APOBEC3G: variants seen among roughly 807,000 people sequenced by gnomAD.
The protein encoded by APOBEC3G is DNA dC->dU-editing enzyme APOBEC-3G.
Under a neutral mutation model 50.0 loss-of-function variants are expected in APOBEC3G, and 44 were observed. The observed-to-expected ratio is 0.88, with a 90% CI of 0.69 to 1.13. The LOEUF (loss-of-function observed/expected upper bound fraction) is 1.13, where lower values mean the gene tolerates loss of function less well. Among genes scored for constraint, APOBEC3G ranks in the 50% most tolerant of loss-of-function variants. The probability of loss-of-function intolerance (pLI) is 0.00; values close to 1 mark genes in which losing one functional copy is unlikely to be tolerated. For synonymous variants in APOBEC3G, 156 were observed against 175.3 expected (o/e 0.89, Z 0.87); for missense variants, 469 against 492.0 (o/e 0.95, Z 0.44).
intron 7 of APOBEC3G, 75 bp from the exon 8 acceptor site, chr22:39,087,332 G>A: frequency 6.2e-7 from 1 of 1,608,320 alleles, no homozygotes; most frequent in Admixed American, 1.7e-5. Context: ...CATTGTCACT[G>A]TCCCCAGGCC....
rs571551528 is a variant in APOBEC3G, at chr22:39,087,327, T to C, written c.1141-80T>C. ...ATCCCTCCCTCCTCTCCGATCATTG[T>C]CACTGTCCCCAGGCCTCCACCATAT... On this transcript the variant is annotated intron_variant, in intron 7 of 7. Transcript: ENST00000407997. 58 of 1,607,480 alleles carry C rather than the reference T, an allele frequency of 3.6e-5. No individual in the cohort carries two copies. The Admixed American group carries it at 9.5e-4, about 26-fold the overall frequency.
intron 2 of APOBEC3G, chr22:39,079,481 C>G (rs1402466245): frequency 5.8e-6 from 1 of 172,496 alleles, no homozygotes; most frequent in Non-Finnish European, 1.2e-5. Context: ...CCACGCCCAG[C>G]TGATTTTTTT....
chr22:39,081,412 C>A, intron 3 of APOBEC3G, 59 bp from the exon 4 acceptor site: 2 of 1,570,154 alleles, frequency 1.3e-6, no homozygotes, highest in South Asian at 2.2e-5. Context: ...GGGGAGGGTC[C>A]CGAGGTCACA....
At chr22:39,079,427 G>C in intron 2 of APOBEC3G, 1 of 206,614 alleles carries the variant, frequency 4.8e-6, no homozygotes, top group Non-Finnish European at 9.7e-6. Context: ...AAGCGATGCT[G>C]TCGCCTCAGA....
At chr22:39,079,344 T>C (rs1928325787) in intron 2 of APOBEC3G, 5 of 439,460 alleles carry the variant, frequency 1.1e-5, no homozygotes, top group Non-Finnish European at 1.2e-5. Flanking sequence ...TGAGACAGAG[T>C]TTCACTCTTG....
chr22:39,081,313 C>T, intron 3 of APOBEC3G, 86 bp downstream of exon 3: 2 of 1,566,618 alleles, frequency 1.3e-6, no homozygotes, highest in Non-Finnish European at 1.7e-6. Flanking sequence ...TGGGTCTGCT[C>T]TGATGCCTGC....
At chr22:39,081,414 G>C in intron 3 of APOBEC3G, 57 bp from the exon 4 acceptor site, 5 of 1,572,350 alleles carry the variant, frequency 3.2e-6, no homozygotes, top group Non-Finnish European at 3.5e-6. Flanking sequence ...GGAGGGTCCC[G>C]AGGTCACAGA....
At chr22:39,077,529 GC>G in intron 1 of APOBEC3G, 151 bp downstream of exon 1, 1 of 1,410,286 alleles carries the variant, frequency 7.1e-7, no homozygotes, top group African/African-American at 1.4e-5. Context: ...TCCCAGCCAG[GC>G]TCCTTGCCCT....
rs774299543 is a variant in APOBEC3G at position 39,081,184 on chromosome 22, A to G, written c.423A>G (p.Lys141=). The G allele has an allele frequency of 5.6e-6, 9 of 1,614,224 alleles. No individual in the cohort carries two copies. The highest frequency in any genetic ancestry group is 3.3e-4 in the Middle Eastern group (2 of 6,062). The change falls in exon 3 of 8, where the codon AAA becomes AAG. Residue 141 remains lysine (K), a synonymous_variant. Transcript: ENST00000407997. The part of the protein sequence containing the change: ...YQEALRSLCQ[K]RDGPRATMKI... Reference sequence around the variant, plus strand: ...AGGCGCTTCGCAGCCTGTGTCAGAAAAGAGACGGTCCGCGTGCCACCATGA... The same window carrying G: ...AGGCGCTTCGCAGCCTGTGTCAGAAGAGAGACGGTCCGCGTGCCACCATGA...
chr22:39,078,000 C>G (rs548504381), intron 1 of APOBEC3G, among the ~76,000 whole-genome samples: 58 of 152,338 alleles, frequency 3.8e-4, no homozygotes, highest in African/African-American at 1.3e-3. Context: ...TGGCTCACAC[C>G]TGTCATCCCA....
Position 39,087,505 on chromosome 22 carries a change from G to A in APOBEC3G, c.*84G>A. On this transcript the variant is annotated 3_prime_UTR_variant, in exon 8 of 8. Transcript: ENST00000407997. ...ATCTTCTTCCAAGAAATGCAAACAG[G>A]CTGTTCACCACCATCTCCAGCTGAT... 8 of 1,611,446 alleles carry A rather than the reference G, an allele frequency of 5.0e-6. No individual in the cohort carries two copies. In the South Asian group the frequency reaches 8.8e-5, roughly 18 times the overall value.
Position 39,086,542 on chromosome 22 carries a change from CA to C in APOBEC3G, c.1003del (p.Ile335PhefsTer3). 1.2e-6 allele frequency: 2 copies of C among 1,608,410 alleles called. No homozygotes were observed. Among genetic ancestry groups the C allele is most frequent in the Non-Finnish European group, 1.7e-6 (2 of 1,176,418 alleles). Reference sequence around the variant, plus strand: ...TGCGCACCCTGGCCGAGGCTGGGGCCAAAATTTCAATAATGACATACAGTGG... The same window carrying C: ...TGCGCACCCTGGCCGAGGCTGGGGCCAAATTTCAATAATGACATACAGTGG... ...GLRTLAEAGA[K>X]ISIMTYSEFK... On this transcript the variant is annotated frameshift_variant, in exon 6 of 8. Coordinates refer to ENST00000407997, the MANE Select transcript of APOBEC3G (RefSeq NM_021822.4). LOFTEE classifies it high-confidence loss of function.
chr22:39,084,303 C>T (rs113855438), intron 5 of APOBEC3G, among the ~76,000 whole-genome samples: 47 of 152,232 alleles, frequency 3.1e-4, no homozygotes, highest in African/African-American at 7.5e-4. Flanking sequence ...CCGAGGCTGG[C>T]GATCACAAGG....
At chr22:39,084,304 G>C (rs1928604345) in intron 5 of APOBEC3G, among the ~76,000 whole-genome samples, 1 of 152,140 alleles carries the variant, frequency 6.6e-6, no homozygotes, top group South Asian at 2.1e-4. Context: ...CGAGGCTGGC[G>C]ATCACAAGGT....
At position 39,086,313 on chromosome 22, in the gene APOBEC3G, A is replaced by T. The variant is rs1215534844; in HGVS notation, c.770A>T (p.His257Leu). Reference protein sequence around the residue: ...PHKHGFLEGRHAELCFLDVIP... With the variant: ...PHKHGFLEGRLAELCFLDVIP... ...AAACACGGTTTCCTTGAAGGCCGCCATGCAGAGCTGTGCTTCCTGGACGTG... is the reference window on the plus strand; with the variant it reads ...AAACACGGTTTCCTTGAAGGCCGCCTTGCAGAGCTGTGCTTCCTGGACGTG... The change falls in exon 6 of 8, where the codon CAT becomes CTT. Residue 257 changes from histidine to leucine, a missense_variant. Physicochemically the swap from His to Leu is moderately conservative, Grantham distance 99. Coordinates refer to ENST00000407997, the MANE Select transcript of APOBEC3G (RefSeq NM_021822.4). The T allele has an allele frequency of 4.4e-6, 7 of 1,609,110 alleles. No individual in the cohort carries two copies. Among genetic ancestry groups the T allele is most frequent in the Non-Finnish European group, 6.0e-6 (7 of 1,176,328 alleles).
At chr22:39,081,664 G>A in intron 4 of APOBEC3G, 79 bp downstream of exon 4, 1 of 1,205,846 alleles carries the variant, frequency 8.3e-7, no homozygotes. Flanking sequence ...CTCTGTTCCA[G>A]ACCAGGTCCT....
rs1327576919 is a variant in APOBEC3G at position 39,087,600 on chromosome 22, G to C, written c.*179G>C. ...TTTAAAAATTAGAGTGCATTACTTT[G>C]AATCAAAAATTTATTTATATTTCAA... On this transcript the variant is annotated 3_prime_UTR_variant, in exon 8 of 8. Transcript: ENST00000407997. 1.9e-5 allele frequency: 23 copies of C among 1,221,572 alleles called. No homozygotes were observed. In the East Asian group the frequency reaches 5.8e-4, roughly 31 times the overall value. The allele number at this position is 1,221,572 out of a possible 1,614,324, so 75.7% of individuals were successfully genotyped here. A position where few individuals can be genotyped will look rare whatever the true frequency, so the allele number is the denominator to read the frequency against.
At chr22:39,077,614 A>C (rs1261436596) in intron 1 of APOBEC3G, among the ~76,000 whole-genome samples, 1 of 151,794 alleles carries the variant, frequency 6.6e-6, no homozygotes, top group East Asian at 1.9e-4. Context: ...TCCCCTGCTG[A>C]GACTCTCCCC....
At position 39,081,172 on chromosome 22, in the gene APOBEC3G, C is replaced by G; in HGVS notation, c.411C>G (p.Ser137Arg). The G allele has an allele frequency of 6.2e-7, 1 of 1,614,242 alleles. No individual in the cohort carries two copies. Among genetic ancestry groups the G allele is most frequent in the Non-Finnish European group, 8.5e-7 (1 of 1,180,050 alleles). Residue 137 changes from serine to arginine, a missense_variant, in exon 3 of 8, where the codon AGC (serine) becomes AGG (arginine). Transcript: ENST00000407997. ...CAGATTACCAGGAGGCGCTTCGCAGCCTGTGTCAGAAAAGAGACGGTCCGC... is the reference window on the plus strand; with the variant it reads ...CAGATTACCAGGAGGCGCTTCGCAGGCTGTGTCAGAAAAGAGACGGTCCGC... ...WDPDYQEALR[S>R]LCQKRDGPRA...
Sources: gnomAD v4.1 joint callset for allele counts (sites outside exome capture counted in the v4.1 genomes callset) on GRCh38, gnomAD v4.1.1 for gene constraint, MANE v1.5 for transcripts, NCBI Gene and HGNC (gene_info 2026-07-23, HGNC 2026-07-21) for gene names.